Variants in AMOTL1 observed in about 807,000 individuals in gnomAD.
AMOTL1 encodes angiomotin like 1, also known as angiomotin-like protein 1.
In AMOTL1, 45 loss-of-function variants were observed where a neutral mutation model predicts 102.9. The observed-to-expected ratio is 0.44, with a 90% CI of 0.34 to 0.56. The LOEUF (loss-of-function observed/expected upper bound fraction) is 0.56, where lower values mean the gene tolerates loss of function less well. Ranked by LOEUF, AMOTL1 falls within the 20% of genes least tolerant of loss-of-function variation. The probability of loss-of-function intolerance (pLI) is 0.01; values close to 1 mark genes in which losing one functional copy is unlikely to be tolerated. For missense variants in AMOTL1, 1,114 were observed against 1,225.6 expected (o/e 0.91, Z 1.36); for synonymous variants, 481 against 484.7 (o/e 0.99, Z 0.10).
At position 94,737,661 on chromosome 11, in the gene AMOTL1, T is replaced by C. The variant is rs1299133379; in HGVS notation, c.86-3277T>C. Among the ~76,000 whole-genome samples the C allele has an allele frequency of 2.0e-5, 3 of 152,346 alleles. No homozygotes were observed. In the East Asian group the frequency reaches 5.8e-4, roughly 29 times the overall value. On this transcript the variant is annotated intron_variant, in intron 2 of 4. Coordinates refer to the AMOTL1 transcript ENST00000299004. Reference sequence around the variant, plus strand: ...GGTCACCTCTCTTGAGACACAAATGTTATTTGCTTGATTCTATGGGAAACC... The same window carrying C: ...GGTCACCTCTCTTGAGACACAAATGCTATTTGCTTGATTCTATGGGAAACC...
At chr11:94,708,398 C>G (rs1949966673) in intron 1 of AMOTL1, among the ~76,000 whole-genome samples, 1 of 152,190 alleles carries the variant, frequency 6.6e-6, no homozygotes, top group African/African-American at 2.4e-5. Context: ...GCGTAAGCCT[C>G]AGACCTTGGA....
At chr11:94,854,957 T>G (rs1319413641) in intron 8 of AMOTL1, among the ~76,000 whole-genome samples, 1 of 151,892 alleles carries the variant, frequency 6.6e-6, no homozygotes, top group African/African-American at 2.4e-5. Context: ...AAGCACAGAG[T>G]GAAAAGCCCA....
intron 4 of AMOTL1, among the ~76,000 whole-genome samples, chr11:94,824,441 T>C (rs1951926726): frequency 6.6e-6 from 1 of 152,228 alleles, no homozygotes; most frequent in Non-Finnish European, 1.5e-5. Context: ...ATCTGTCATA[T>C]GTAAAACCAG....
intron 1 of AMOTL1, among the ~76,000 whole-genome samples, chr11:94,726,455 T>C (rs1297439835): frequency 6.6e-6 from 1 of 152,176 alleles, no homozygotes; most frequent in Middle Eastern, 3.2e-3. Flanking sequence ...TGCAGGTAGC[T>C]TAGTTCTAAA....
At chr11:94,834,057 G>C (rs945089810) in intron 6 of AMOTL1, among the ~76,000 whole-genome samples, 1 of 152,180 alleles carries the variant, frequency 6.6e-6, no homozygotes, top group Non-Finnish European at 1.5e-5. Context: ...TCTCTGTCAG[G>C]CTTTCATTTT....
rs143173954 is a variant in AMOTL1 at position 94,872,272 on chromosome 11, G to C, written c.*1477G>C. On this transcript the variant is annotated 3_prime_UTR_variant, in exon 13 of 13. Coordinates refer to ENST00000433060, the MANE Select transcript of AMOTL1 (RefSeq NM_130847.3). ...TAAGAGATGCTGGATTAGAAAAGAG[G>C]AGAAGCTCATCGGGCCATCAGAGAG... The C allele has an allele frequency of 1.3e-5, 2 of 152,154 alleles. No homozygotes were observed. Among genetic ancestry groups the C allele is most frequent in the East Asian group, 3.9e-4 (2 of 5,170 alleles). 9.4% of individuals were successfully genotyped at this position (152,154 alleles called of 1,614,324 possible).
chr11:94,853,827 TGTA>T, intron 7 of AMOTL1, 103 bp from the exon 8 acceptor site: 2 of 1,329,696 alleles, frequency 1.5e-6, no homozygotes, highest in Non-Finnish European at 2.1e-6. Context: ...TACGTGCACC[TGTA>T]GTTTAAATAG....
At chr11:94,797,247 G>A (rs1951386185) in intron 2 of AMOTL1, among the ~76,000 whole-genome samples, 2 of 152,306 alleles carry the variant, frequency 1.3e-5, no homozygotes, top group South Asian at 4.1e-4. Context: ...TGAGGCTCAG[G>A]GAGGGAAAGC....
chr11:94,829,763 A>T (rs11020956), intron 4 of AMOTL1, among the ~76,000 whole-genome samples: 33,894 of 152,154 alleles, frequency 0.22, 4,445 homozygotes, highest in East Asian at 0.42. Flanking sequence ...TTAAGTTATG[A>T]TTAGATTTAC....
At chr11:94,762,553 A>G (rs1208356230) in intron 3 of AMOTL1, among the ~76,000 whole-genome samples, 1 of 152,234 alleles carries the variant, frequency 6.6e-6, no homozygotes, top group Non-Finnish European at 1.5e-5. Flanking sequence ...CCAAAAAAGT[A>G]TTATGAGTTT....
At chr11:94,859,151 G>A (rs967004820) in intron 8 of AMOTL1, among the ~76,000 whole-genome samples, 11 of 152,268 alleles carry the variant, frequency 7.2e-5, no homozygotes, top group African/African-American at 2.4e-4. Flanking sequence ...AGGAGGCCAA[G>A]ACTTAATTCC....
chr11:94,843,480 A>G (rs1297950259), intron 6 of AMOTL1, among the ~76,000 whole-genome samples: 1 of 152,102 alleles, frequency 6.6e-6, no homozygotes, highest in African/African-American at 2.4e-5. Context: ...ATATCTTCCT[A>G]TTGTCTTTCC....
intron 1 of AMOTL1, among the ~76,000 whole-genome samples, chr11:94,726,481 G>A (rs1950260751): frequency 6.6e-6 from 1 of 152,158 alleles, no homozygotes; most frequent in African/African-American, 2.4e-5. Flanking sequence ...GATTCTCAAA[G>A]CCAGAATTAC....
At chr11:94,843,902 A>C (rs1433815291) in intron 6 of AMOTL1, among the ~76,000 whole-genome samples, 2 of 152,136 alleles carry the variant, frequency 1.3e-5, no homozygotes, top group Admixed American at 1.3e-4. Context: ...GCGGAGGTTC[A>C]TTCTCTGAGT....
Position 94,874,021 on chromosome 11 carries a change from C to T in AMOTL1, c.*3226C>T, listed in dbSNP as rs1953053406. ...ATTATAGAACTTGAGGGTCCTATCT[C>T]AGGATGAAGGGGAGAGGCCCTGGCT... On this transcript the variant is annotated 3_prime_UTR_variant, in exon 13 of 13. Transcript: ENST00000433060. The T allele has an allele frequency of 6.6e-6, 1 of 152,174 alleles. No individual in the cohort carries two copies. The highest frequency in any genetic ancestry group is 1.5e-5 in the Non-Finnish European group (1 of 68,028). 9.4% of individuals were successfully genotyped at this position (152,174 alleles called of 1,614,324 possible).
At chr11:94,783,418 A>G (rs762142520) in intron 1 of AMOTL1, among the ~76,000 whole-genome samples, 3 of 152,182 alleles carry the variant, frequency 2.0e-5, no homozygotes, top group Non-Finnish European at 2.9e-5. Context: ...TCTCAGCATC[A>G]TGGCTGATGA....
At chr11:94,728,389 G>T (rs191140596) in intron 1 of AMOTL1, among the ~76,000 whole-genome samples, 2 of 152,138 alleles carry the variant, frequency 1.3e-5, no homozygotes, top group Non-Finnish European at 1.5e-5. Flanking sequence ...GGTCCCTCTT[G>T]GCTCTGAAGT....
chr11:94,724,316 C>T (rs986158114), intron 1 of AMOTL1, among the ~76,000 whole-genome samples: 7 of 152,102 alleles, frequency 4.6e-5, no homozygotes, highest in Admixed American at 6.5e-5. Context: ...GCAGGAGTTC[C>T]GGGAACAGCT....
At chr11:94,764,572 G>A (rs1950833125), upstream of AMOTL1, among the ~76,000 whole-genome samples, 1 of 152,204 alleles carries the variant, frequency 6.6e-6, no homozygotes, top group Non-Finnish European at 1.5e-5. Flanking sequence ...GTGAGGCTGT[G>A]TGTAGTAGCT....
Sources: gnomAD v4.1 joint callset for allele counts (sites outside exome capture counted in the v4.1 genomes callset) on GRCh38, gnomAD v4.1.1 for gene constraint, MANE v1.5 for transcripts, NCBI Gene and HGNC (gene_info 2026-07-23, HGNC 2026-07-21) for gene names.